SDK1: variants seen among roughly 807,000 people sequenced by gnomAD.
SDK1 encodes protein sidekick-1.
In SDK1, 157 loss-of-function variants were observed where a neutral mutation model predicts 245.5. The ratio of observed to expected loss-of-function variants is 0.64; its 90% confidence interval spans 0.56 to 0.73. The LOEUF is 0.73. Ranked by LOEUF, SDK1 falls within the 30% of genes least tolerant of loss-of-function variation. The probability of loss-of-function intolerance (pLI) is 0.00; values close to 1 mark genes in which losing one functional copy is unlikely to be tolerated. For synonymous variants in SDK1, 1,647 were observed against 1,278.5 expected, an observed-to-expected ratio of 1.29 and a Z score of -6.15; for missense variants, 3,583 against 3,002.3, an observed-to-expected ratio of 1.19 and a Z score of -4.52.
chr7:3,567,698 T>C (rs947309557), intron 1 of SDK1, among the ~76,000 whole-genome samples: 5 of 152,232 alleles, frequency 3.3e-5, no homozygotes, highest in African/African-American at 1.2e-4. Context: ...CTGAGGGTTT[T>C]CTTTGGTTCT....
At chr7:4,117,893 G>A (rs778562954) in intron 25 of SDK1, among the ~76,000 whole-genome samples, 2 of 152,186 alleles carry the variant, frequency 1.3e-5, no homozygotes, top group Non-Finnish European at 2.9e-5. Context: ...AACTCTGCCT[G>A]CAGAGGTTTG....
At chr7:4,206,752 T>C (rs1055689944) in intron 36 of SDK1, among the ~76,000 whole-genome samples, 1 of 152,134 alleles carries the variant, frequency 6.6e-6, no homozygotes, top group Non-Finnish European at 1.5e-5. Context: ...AACGCCCCCA[T>C]CCTTCTCCTA....
intron 4 of SDK1, among the ~76,000 whole-genome samples, chr7:3,769,936 CTGTG>C (rs34066132): frequency 0.013 from 1,847 of 144,696 alleles, 36 homozygotes; most frequent in African/African-American, 0.04. Context: ...TACTTATTGT[CTGTG>C]TGTGTGTGTG....
intron 1 of SDK1, among the ~76,000 whole-genome samples, chr7:3,504,374 G>C (rs1782323001): frequency 6.6e-6 from 1 of 151,776 alleles, no homozygotes; most frequent in Admixed American, 6.6e-5. Context: ...TGAAAAAGAA[G>C]ATCAAAGTTG....
intron 1 of SDK1, among the ~76,000 whole-genome samples, chr7:3,526,828 T>C (rs1783152693): frequency 6.6e-6 from 1 of 152,178 alleles, no homozygotes; most frequent in Non-Finnish European, 1.5e-5. Context: ...GAGTATGCAT[T>C]TTTGAATCTT....
At chr7:3,318,222 C>A (rs975679882) in intron 1 of SDK1, among the ~76,000 whole-genome samples, 30 of 152,180 alleles carry the variant, frequency 2.0e-4, no homozygotes, top group African/African-American at 4.1e-4. Flanking sequence ...TACAAACATG[C>A]ACACACAGAA....
chr7:4,147,226 G>A (rs1194336202), intron 29 of SDK1, among the ~76,000 whole-genome samples: 1 of 152,146 alleles, frequency 6.6e-6, no homozygotes, highest in Non-Finnish European at 1.5e-5. Context: ...TGTTGCCCAG[G>A]CTGGAGTGCA....
intron 1 of SDK1, among the ~76,000 whole-genome samples, chr7:3,346,949 G>A (rs1222105940): frequency 2.0e-5 from 3 of 146,768 alleles, no homozygotes; most frequent in Non-Finnish European, 3.0e-5. Context: ...AGAATTATAG[G>A]CATGAGCTAC....
At chr7:3,859,293 C>T (rs565170618) in intron 5 of SDK1, among the ~76,000 whole-genome samples, 8 of 152,264 alleles carry the variant, frequency 5.3e-5, no homozygotes, top group Admixed American at 5.2e-4. Flanking sequence ...TCCAAGGTAG[C>T]TCCTCCTGGG....
At chr7:3,522,871 C>G (rs1414292505) in intron 1 of SDK1, among the ~76,000 whole-genome samples, 1 of 86,418 alleles carries the variant, frequency 1.2e-5, no homozygotes, top group Non-Finnish European at 2.4e-5. Flanking sequence ...TATGGCCAGC[C>G]TTTGTCTGCG....
At chr7:3,536,944 TCA>T (rs1778906245) in intron 1 of SDK1, among the ~76,000 whole-genome samples, 1 of 152,218 alleles carries the variant, frequency 6.6e-6, no homozygotes, top group African/African-American at 2.4e-5. Context: ...GACTATTAAA[TCA>T]CACATCATTA....
At chr7:3,472,532 G>C (rs1781216169) in intron 1 of SDK1, among the ~76,000 whole-genome samples, 1 of 152,142 alleles carries the variant, frequency 6.6e-6, no homozygotes, top group African/African-American at 2.4e-5. Flanking sequence ...ATTATTATGG[G>C]TGTATCTTAA....
chr7:4,210,986 C>A (rs930070766), intron 38 of SDK1, among the ~76,000 whole-genome samples: 1 of 152,106 alleles, frequency 6.6e-6, no homozygotes, highest in Non-Finnish European at 1.5e-5. Context: ...TAGGGGCCCA[C>A]GGTGGGCAGA....
chr7:4,150,245 C>T (rs560799442), intron 30 of SDK1, among the ~76,000 whole-genome samples: 2 of 152,280 alleles, frequency 1.3e-5, no homozygotes, highest in South Asian at 4.1e-4. Context: ...CCTGCCTGGG[C>T]AGGGCCACCC....
chr7:3,858,466 C>A (rs892103460), intron 5 of SDK1, among the ~76,000 whole-genome samples: 1 of 148,732 alleles, frequency 6.7e-6, no homozygotes, highest in African/African-American at 2.6e-5. Flanking sequence ...AAAAAATACC[C>A]AGGAAAAAAA....
intron 1 of SDK1, chr7:3,338,522 C>A: frequency 2.3e-6 from 1 of 437,794 alleles, no homozygotes; most frequent in Non-Finnish European, 4.4e-6. Flanking sequence ...CAGCCTGTTC[C>A]CAGAGAAGCA....
intron 4 of SDK1, among the ~76,000 whole-genome samples, chr7:3,672,856 A>G (rs1285564268): frequency 3.6e-5 from 5 of 138,526 alleles, no homozygotes; most frequent in African/African-American, 1.3e-4. Flanking sequence ...GGCACCTACA[A>G]TGAGGGCCCC....
At chr7:4,101,458 AT>A (rs926584711) in intron 22 of SDK1, among the ~76,000 whole-genome samples, 1 of 152,124 alleles carries the variant, frequency 6.6e-6, no homozygotes, top group African/African-American at 2.4e-5. Context: ...AAAAATTTGC[AT>A]TTTTTAAAAC....
chr7:4,157,903 C>G (rs1215846258), intron 30 of SDK1, among the ~76,000 whole-genome samples: 2 of 152,150 alleles, frequency 1.3e-5, no homozygotes, highest in African/African-American at 4.8e-5. Context: ...TTAGAGAATG[C>G]TGCAAGGCTG....
Sources: gnomAD v4.1 joint callset for allele counts (sites outside exome capture counted in the v4.1 genomes callset) on GRCh38, gnomAD v4.1.1 for gene constraint, MANE v1.5 for transcripts, NCBI Gene and HGNC (gene_info 2026-07-23, HGNC 2026-07-21) for gene names.